The following PRDM15 variants were observed in gnomAD, a reference collection of about 807,000 sequenced individuals.
PRDM15 encodes the protein PR/SET domain 15, also known as PR domain zinc finger protein 15.
A neutral mutation model predicts 128.6 loss-of-function variants in PRDM15; 64 were observed. The observed-to-expected ratio is 0.50, with a 90% confidence interval of 0.41 to 0.61. The LOEUF (loss-of-function observed/expected upper bound fraction) is 0.61. Among genes scored for constraint, PRDM15 ranks in the 20% least tolerant of loss-of-function variants. The probability of loss-of-function intolerance (pLI) is 0.00; values close to 1 mark genes in which losing one functional copy is unlikely to be tolerated. For missense variants in PRDM15, 1,242 were observed against 1,569.1 expected (o/e 0.79, Z 3.52); for synonymous variants, 615 against 621.8 (o/e 0.99, Z 0.16).
intron 1 of PRDM15, among the ~76,000 whole-genome samples, chr21:41,865,199 T>A (rs991948164): frequency 1.3e-5 from 2 of 151,258 alleles, no homozygotes; most frequent in Non-Finnish European, 1.5e-5. Context: ...CAGCCCTCTC[T>A]GCCATGCCTG....
At chr21:41,805,997 C>CCACCACCATCACCACCACCAT (rs2061559496) in intron 21 of PRDM15, among the ~76,000 whole-genome samples, 1 of 76,714 alleles carries the variant, frequency 1.3e-5, no homozygotes, top group Non-Finnish European at 2.8e-5. Flanking sequence ...ATCACCACCA[C>CCACCACCATCACCACCACCAT]CACCACCATC....
At chr21:41,873,949 G>A (rs1295975973) in intron 1 of PRDM15, among the ~76,000 whole-genome samples, 1 of 152,016 alleles carries the variant, frequency 6.6e-6, no homozygotes, top group Non-Finnish European at 1.5e-5. Context: ...GGGAGGCTGA[G>A]GTGGGAAGAT....
intron 22 of PRDM15, 114 bp from the exon 23 acceptor site, chr21:41,803,035 G>A (rs2061459356): frequency 1.3e-6 from 1 of 792,716 alleles, no homozygotes; most frequent in East Asian, 2.5e-5. Context: ...GGACGCTTGT[G>A]GGCCACCGAG....
At chr21:41,815,495 C>T (rs1009032336) in intron 19 of PRDM15, among the ~76,000 whole-genome samples, 3 of 152,236 alleles carry the variant, frequency 2.0e-5, no homozygotes, top group Non-Finnish European at 4.4e-5. Flanking sequence ...GTGCAGCATG[C>T]TCTCCGGTGA....
intron 21 of PRDM15, among the ~76,000 whole-genome samples, chr21:41,806,455 T>TCACTACCAC (rs1568883246): frequency 4.0e-4 from 8 of 20,154 alleles, no homozygotes; most frequent in Non-Finnish European, 2.7e-4. Context: ...CCACCACCCA[T>TCACTACCAC]CACCATCACC....
chr21:41,854,648 G>C lies in PRDM15; in HGVS notation c.456C>G (p.Thr152=). 6.2e-7 allele frequency: 1 copy of C among 1,613,754 alleles called. No homozygotes were observed. The highest frequency in any genetic ancestry group is 8.5e-7 in the Non-Finnish European group (1 of 1,179,984). Residue 152 remains threonine (T), a synonymous_variant, in exon 5 of 24, where the codon ACC becomes ACG. Transcript: ENST00000398548. This position sits in a 1 kb window ranked among gnomAD's most constrained non-coding sequence, Gnocchi z 4.6. ...AGGCCGCATACCACACGCGCAGCTCGGTACCCGGGGGGATGTCTCTGGAGG... is the reference window on the plus strand; with the variant it reads ...AGGCCGCATACCACACGCGCAGCTCCGTACCCGGGGGGATGTCTCTGGAGG... ...FTTSRDIPPG[T]ELRVWYAAFY...
chr21:41,836,258 A>G, intron 9 of PRDM15, 51 bp from the exon 10 acceptor site: 6 of 1,530,904 alleles, frequency 3.9e-6, no homozygotes, highest in African/African-American at 1.4e-5. Flanking sequence ...GCATTTACCG[A>G]GAGAAGCATG....
chr21:41,815,596 G>A, intron 19 of PRDM15, 109 bp downstream of exon 19: 3 of 1,434,402 alleles, frequency 2.1e-6, no homozygotes, highest in Non-Finnish European at 2.8e-6. Flanking sequence ...CACTCAGTGG[G>A]AATCACAAAG....
chr21:41,859,316 T>C lies in PRDM15; in HGVS notation c.131+276A>G. The C allele has an allele frequency of 8.2e-7, 1 of 1,220,202 alleles. No homozygotes were observed. The highest frequency in any genetic ancestry group is 1.4e-5 in the South Asian group (1 of 73,586). 75.6% of individuals were successfully genotyped at this position (1,220,202 alleles called of 1,614,324 possible). The stretch of plus-strand genomic sequence containing the variant: ...AACCACCTTGGCAAGTCCACTCTTC[T>C]GCAGCCTCCACACACTGTGTCGGGA... On this transcript the variant is annotated intron_variant, in intron 3 of 23. Coordinates refer to ENST00000398548, the MANE Select transcript of PRDM15 (RefSeq NM_001040424.3). This position sits in a 1 kb window ranked among gnomAD's most constrained non-coding sequence, Gnocchi z 5.3.
At chr21:41,820,016 T>A (rs550952074) in intron 17 of PRDM15, 79 bp downstream of exon 17, 1 of 1,210,370 alleles carries the variant, frequency 8.3e-7, no homozygotes, top group South Asian at 1.2e-5. Flanking sequence ...GTGTGTAGAA[T>A]ACGCGGAGAC....
At chr21:41,871,871 T>C (rs2146022907) in intron 1 of PRDM15, 1 of 378,864 alleles carries the variant, frequency 2.6e-6, no homozygotes, top group Non-Finnish European at 4.8e-6. Context: ...GTCTCTCCTG[T>C]AGCATGCCGG....
intron 22 of PRDM15, 99 bp downstream of exon 22, chr21:41,804,435 G>A (rs1383503528): frequency 1.1e-6 from 1 of 925,822 alleles, no homozygotes; most frequent in African/African-American, 1.7e-5. Context: ...GGCTTGCCCA[G>A]AGCTGCTCCC....
intron 6 of PRDM15, among the ~76,000 whole-genome samples, chr21:41,842,930 A>G (rs2063118242): frequency 6.6e-6 from 1 of 151,642 alleles, no homozygotes; most frequent in South Asian, 2.1e-4. Context: ...GACTACAGGC[A>G]TGCACCACCA....
chr21:41,831,781 GC>G lies in PRDM15; in HGVS notation c.1367-3449del, dbSNP rs1386509501. Among the ~76,000 whole-genome samples the G allele has an allele frequency of 2.6e-4, 39 of 152,306 alleles. 1 individual carries two copies. Among genetic ancestry groups the G allele is most frequent in the Admixed American group, 6.5e-4 (10 of 15,304 alleles). On this transcript the variant is annotated intron_variant, in intron 11 of 23. Coordinates refer to ENST00000398548, the MANE Select transcript of PRDM15 (RefSeq NM_001040424.3). ...GGCAGGACAGTGGGAGGTGGCCTCT[GC>G]CAGGGCTGAACACAGTAGAGGTGGC...
intron 6 of PRDM15, among the ~76,000 whole-genome samples, chr21:41,841,177 C>T (rs2063063544): frequency 6.6e-6 from 1 of 152,098 alleles, no homozygotes; most frequent in South Asian, 2.1e-4. Flanking sequence ...AGATCTGTAA[C>T]AGGGAAAACA....
In PRDM15 at chr21:41,871,709, T is replaced by C. The variant is rs559229690; in HGVS notation, c.-10+7561A>G. 7 of 1,425,008 alleles carry C rather than the reference T, an allele frequency of 4.9e-6. No homozygotes were observed. In the African/African-American group the frequency reaches 5.6e-5, roughly 11 times the overall value. 88.3% of individuals were successfully genotyped at this position (1,425,008 alleles called of 1,614,324 possible). A position where few individuals can be genotyped will look rare whatever the true frequency, so the allele number is the denominator to read the frequency against. ...CTTGAAACATGACAGAAACTAACAG[T>C]GGTCCTCTGTTGTTACCACTGACAG... On this transcript the variant is annotated intron_variant, in intron 1 of 23. Coordinates refer to ENST00000398548, the MANE Select transcript of PRDM15 (RefSeq NM_001040424.3).
intron 14 of PRDM15, 156 bp downstream of exon 14, chr21:41,823,162 T>TG: frequency 1.0e-6 from 1 of 956,402 alleles, no homozygotes; most frequent in African/African-American, 1.6e-5. Flanking sequence ...ACCGAATCTA[T>TG]GGGGGCTTTG....
chr21:41,799,142 T>C lies in PRDM15; in HGVS notation c.*2098A>G, dbSNP rs1383647942. The C allele has an allele frequency of 6.6e-6, 1 of 152,240 alleles. No individual in the cohort carries two copies. Among genetic ancestry groups the C allele is most frequent in the Non-Finnish European group, 1.5e-5 (1 of 68,040 alleles). 9.4% of individuals were successfully genotyped at this position (152,240 alleles called of 1,614,324 possible). ...AAAATTGTGATTTCCAAGGCCTTTA[T>C]TTTATAGGGAAGAGGAATAAAAGAT... On this transcript the variant is annotated 3_prime_UTR_variant, in exon 24 of 24. Coordinates refer to ENST00000398548, the MANE Select transcript of PRDM15 (RefSeq NM_001040424.3).
At chr21:41,873,598 C>T (rs1349541066) in intron 1 of PRDM15, among the ~76,000 whole-genome samples, 1 of 152,204 alleles carries the variant, frequency 6.6e-6, no homozygotes, top group Non-Finnish European at 1.5e-5. Flanking sequence ...CAACCATGCC[C>T]TTCAGCCCTA....
Sources: gnomAD v4.1 joint callset for allele counts (sites outside exome capture counted in the v4.1 genomes callset) on GRCh38, gnomAD v4.1.1 for gene constraint, Gnocchi (gnomAD v3.1) non-coding constraint, MANE v1.5 for transcripts, NCBI Gene and HGNC (gene_info 2026-07-23, HGNC 2026-07-21) for gene names.